LNX1: variants seen among roughly 807,000 people sequenced by gnomAD.
LNX1 encodes E3 ubiquitin-protein ligase LNX.
Under a neutral mutation model 68.4 loss-of-function variants are expected in LNX1, and 54 were observed. The observed-to-expected ratio is 0.79, with a 90% CI of 0.63 to 0.99. LNX1 has a LOEUF of 0.99. LNX1 is among the 50% of genes least tolerant of loss of function. LNX1 has a pLI of 0.00. For missense variants in LNX1, 906 were observed against 926.4 expected, an observed-to-expected ratio of 0.98 and a Z score of 0.29; for synonymous variants, 336 against 350.0, an observed-to-expected ratio of 0.96 and a Z score of 0.45.
chr4:53,553,571 T>C (rs896697108), intron 2 of LNX1, among the ~76,000 whole-genome samples: 13 of 152,344 alleles, frequency 8.5e-5, no homozygotes, highest in Non-Finnish European at 4.4e-5. Flanking sequence ...GCTGTTTCCA[T>C]GCTCATGCCC....
chr4:53,622,096 C>G (rs1349724085), upstream of LNX1, among the ~76,000 whole-genome samples: 2 of 152,116 alleles, frequency 1.3e-5, no homozygotes, highest in East Asian at 1.9e-4. Flanking sequence ...GCAAGTTACA[C>G]TAAGTTATAT....
intron 1 of LNX1, among the ~76,000 whole-genome samples, chr4:53,589,334 C>A (rs1448931918): frequency 5.9e-5 from 9 of 152,200 alleles, no homozygotes; most frequent in Non-Finnish European, 8.8e-5. Flanking sequence ...TTTAAGAATT[C>A]TCCTGCCTGT....
At chr4:53,560,405 A>G (rs1309468878) in intron 2 of LNX1, among the ~76,000 whole-genome samples, 1 of 152,208 alleles carries the variant, frequency 6.6e-6, no homozygotes, top group Non-Finnish European at 1.5e-5. Flanking sequence ...TTATGTTGCT[A>G]TTGCAACCAC....
intron 2 of LNX1, among the ~76,000 whole-genome samples, chr4:53,563,254 G>C (rs1730407695): frequency 6.6e-6 from 1 of 152,108 alleles, no homozygotes; most frequent in African/African-American, 2.4e-5. Flanking sequence ...CATATTTATT[G>C]AGTAAAGTGA....
Position 53,632,773 on chromosome 4 carries a change from G to C in LNX1, c.-215+19395C>G, listed in dbSNP as rs562761898. Among the ~76,000 whole-genome samples, 3 of 152,314 alleles carry C rather than the reference G, an allele frequency of 2.0e-5. No homozygotes were observed. In the South Asian group the frequency reaches 6.2e-4, roughly 32 times the overall value. On this transcript the variant is annotated intron_variant, in intron 1 of 2. Coordinates refer to the LNX1 transcript ENST00000507168. ...CTGTATCCTAGGAAGAGGAAAAGAG[G>C]CCTCTATGGACAACAGACAAGGAAC...
At chr4:53,582,942 T>C (rs1393292173) in intron 1 of LNX1, among the ~76,000 whole-genome samples, 1 of 152,164 alleles carries the variant, frequency 6.6e-6, no homozygotes. Flanking sequence ...TCTCTCTTTC[T>C]AAAATAATTC....
chr4:53,536,076 C>G (rs542608392), intron 2 of LNX1, among the ~76,000 whole-genome samples: 1 of 152,348 alleles, frequency 6.6e-6, no homozygotes, highest in African/African-American at 2.4e-5. Flanking sequence ...TTACAGTACC[C>G]TGTAGCTGCT....
At chr4:53,468,706 C>G (rs1722895206) in intron 9 of LNX1, among the ~76,000 whole-genome samples, 1 of 152,184 alleles carries the variant, frequency 6.6e-6, no homozygotes, top group Admixed American at 6.5e-5. Flanking sequence ...TCTGATAAAA[C>G]AGACTTTAAA....
chr4:53,559,853 G>A (rs936335223), intron 2 of LNX1, among the ~76,000 whole-genome samples: 2 of 148,510 alleles, frequency 1.3e-5, no homozygotes, highest in African/African-American at 4.9e-5. Context: ...CAGAGATGAG[G>A]GTCCCTCTAT....
intron 2 of LNX1, among the ~76,000 whole-genome samples, chr4:53,530,070 C>A (rs748829036): frequency 6.6e-6 from 1 of 152,188 alleles, no homozygotes; most frequent in Non-Finnish European, 1.5e-5. Flanking sequence ...TAAATACTTT[C>A]TCCATCAAAA....
chr4:53,478,811 G>T, intron 7 of LNX1, 69 bp from the exon 8 acceptor site: 2 of 1,472,342 alleles, frequency 1.4e-6, no homozygotes, highest in Admixed American at 2.0e-5. Context: ...TGTAGAAAAT[G>T]CAAAGTGGGT....
At position 53,470,039 on chromosome 4, in the gene LNX1, A is replaced by G. The variant is rs577226193; in HGVS notation, c.1892+6714T>C. On this transcript the variant is annotated intron_variant, in intron 9 of 10. Coordinates refer to ENST00000263925, the MANE Select transcript of LNX1 (RefSeq NM_001126328.3). ...CAAAGCCGGGCAGAGACACAACAAA[A>G]AAAGAGAATTTGAGACCAATATCCT... is the stretch of plus-strand genomic sequence containing the variant. 7.6e-4 allele frequency among the ~76,000 whole-genome samples: 116 copies of G among 152,338 alleles called. 1 individual carries two copies. The highest frequency in any genetic ancestry group is 2.6e-3 in the African/African-American group (110 of 41,572).
intron 1 of LNX1, chr4:53,576,278 G>T: frequency 6.2e-7 from 1 of 1,612,214 alleles, no homozygotes; most frequent in Non-Finnish European, 8.5e-7. Context: ...TTAGCATACC[G>T]CTTCGAGGTC....
chr4:53,523,037 A>G (rs1257037213), intron 2 of LNX1: 3 of 152,172 alleles, frequency 2.0e-5, no homozygotes, highest in East Asian at 1.9e-4. Context: ...GAAGATTTTT[A>G]AAAATCTAGC....
At chr4:53,472,184 G>T (rs550680002) in intron 9 of LNX1, among the ~76,000 whole-genome samples, 1 of 152,136 alleles carries the variant, frequency 6.6e-6, no homozygotes. Flanking sequence ...CATGTCCTTT[G>T]TAGGGACATG....
chr4:53,520,012 T>A (rs920527473), intron 2 of LNX1, among the ~76,000 whole-genome samples: 2 of 152,216 alleles, frequency 1.3e-5, no homozygotes, highest in Non-Finnish European at 2.9e-5. Flanking sequence ...TGAATGCTCA[T>A]AACCATGACA....
At chr4:53,548,102 C>T (rs1729233802) in intron 2 of LNX1, among the ~76,000 whole-genome samples, 1 of 143,688 alleles carries the variant, frequency 7.0e-6, no homozygotes, top group Non-Finnish European at 1.5e-5. Flanking sequence ...CACATGAGCA[C>T]ACAGAAGGAG....
At chr4:53,629,221 T>G (rs1476784210) in intron 1 of LNX1, among the ~76,000 whole-genome samples, 4 of 152,010 alleles carry the variant, frequency 2.6e-5, no homozygotes, top group Admixed American at 6.5e-5. Flanking sequence ...CTGGATTGAT[T>G]AGGGGGCTAC....
intron 1 of LNX1, chr4:53,575,536 C>G: frequency 1.0e-6 from 1 of 985,386 alleles, no homozygotes; most frequent in African/African-American, 1.7e-5. Context: ...GACATGGACA[C>G]ACACACAAGT....
Sources: allele counts gnomAD v4.1 joint callset (sites outside exome capture counted in the v4.1 genomes callset), GRCh38; gene constraint gnomAD v4.1.1; transcripts MANE v1.5; gene names NCBI Gene and HGNC (gene_info 2026-07-23, HGNC 2026-07-21).